PPARG: variants seen among roughly 807,000 people sequenced by gnomAD.
PPARG encodes peroxisome proliferator-activated receptor gamma.
PPARG carries 17 observed loss-of-function variants against 39.2 expected under a neutral mutation model. The ratio of observed to expected loss-of-function variants is 0.43; its 90% CI spans 0.30 to 0.65. The LOEUF (loss-of-function observed/expected upper bound fraction) is 0.65, where lower values mean the gene tolerates loss of function less well. Among genes scored for constraint, PPARG ranks in the 30% least tolerant of loss-of-function variants. The pLI is 0.13. For synonymous variants in PPARG, 223 were observed against 215.7 expected (o/e 1.03, Z -0.30); for missense variants, 406 against 585.9 (o/e 0.69, Z 3.17).
chr3:12,335,842 A>T (rs1230165857), intron 2 of PPARG, among the ~76,000 whole-genome samples: 4 of 152,182 alleles, frequency 2.6e-5, no homozygotes, highest in Non-Finnish European at 4.4e-5. Flanking sequence ...GGGGAAAAAA[A>T]AAAAAAACAA....
chr3:12,288,462 C>T (rs2046564725), upstream of PPARG, among the ~76,000 whole-genome samples: 3 of 151,844 alleles, frequency 2.0e-5, no homozygotes, highest in Admixed American at 2.0e-4. Flanking sequence ...GCCGGGGACA[C>T]GGGGACCTCC....
chr3:12,409,622 G>A (rs76636004), intron 6 of PPARG, among the ~76,000 whole-genome samples: 21,256 of 87,986 alleles, frequency 0.24, 1,653 homozygotes, highest in Admixed American at 0.35. Context: ...TATAAAAGTG[G>A]CTATGGCTGT....
At chr3:12,421,550 A>G (rs2051261706) in intron 7 of PPARG, among the ~76,000 whole-genome samples, 1 of 152,208 alleles carries the variant, frequency 6.6e-6, no homozygotes, top group Admixed American at 6.5e-5. Flanking sequence ...TTTGTGAAGA[A>G]AAAGTGTAGG....
At chr3:12,322,593 A>C (rs1355908857) in intron 2 of PPARG, among the ~76,000 whole-genome samples, 1 of 152,214 alleles carries the variant, frequency 6.6e-6, no homozygotes, top group Non-Finnish European at 1.5e-5. Flanking sequence ...AAGGATGTGG[A>C]TACATGAGAA....
chr3:12,327,903 T>G, intron 2 of PPARG: 1 of 592,914 alleles, frequency 1.7e-6, no homozygotes, highest in Non-Finnish European at 3.0e-6. Flanking sequence ...CTTTAGTATC[T>G]ACATAGCACT....
Position 12,316,461 on chromosome 3 carries a change from G to T in PPARG, c.-9+4008G>T, listed in dbSNP as rs192274912. ...CACTGGAAAGGAACGGGGAGTTAGT[G>T]TTTAATGGGGACAGTTTCAGTTTTG... On this transcript the variant is annotated intron_variant, in intron 2 of 7. Coordinates refer to ENST00000651735, the MANE Select transcript of PPARG (RefSeq NM_138711.6). Among the ~76,000 whole-genome samples, 261 of 152,232 alleles carry T rather than the reference G, an allele frequency of 1.7e-3. 2 individuals are homozygous for T. The highest frequency in any genetic ancestry group is 6.0e-3 in the African/African-American group (249 of 41,548).
At chr3:12,409,101 G>A (rs919610529) in intron 6 of PPARG, among the ~76,000 whole-genome samples, 2 of 152,172 alleles carry the variant, frequency 1.3e-5, no homozygotes, top group African/African-American at 4.8e-5. Flanking sequence ...CCAGTAACTA[G>A]GACTGTGTCT....
At chr3:12,352,949 G>T (rs1478703833) in intron 2 of PPARG, among the ~76,000 whole-genome samples, 1 of 152,154 alleles carries the variant, frequency 6.6e-6, no homozygotes, top group East Asian at 1.9e-4. Context: ...GAATGTCCTG[G>T]CTATACTGTG....
chr3:12,366,749 C>A (rs1357296944), intron 2 of PPARG, among the ~76,000 whole-genome samples: 2 of 152,158 alleles, frequency 1.3e-5, no homozygotes, highest in Non-Finnish European at 2.9e-5. Context: ...CTAAATCTCA[C>A]TTGGCCATGG....
At chr3:12,369,918 T>C (rs1356849896) in intron 2 of PPARG, among the ~76,000 whole-genome samples, 1 of 152,188 alleles carries the variant, frequency 6.6e-6, no homozygotes, top group Admixed American at 6.5e-5. Flanking sequence ...GGCATTCTGG[T>C]TTCTCAGGTG....
At chr3:12,368,186 TTTTG>T (rs1468563864) in intron 2 of PPARG, among the ~76,000 whole-genome samples, 2 of 144,116 alleles carry the variant, frequency 1.4e-5, no homozygotes, top group East Asian at 2.0e-4. Context: ...TCTTTTTCTT[TTTTG>T]TTTTTTTTTC....
chr3:12,372,233 A>G, intron 2 of PPARG: 2 of 699,504 alleles, frequency 2.9e-6, no homozygotes, highest in African/African-American at 1.8e-5. Context: ...ATTCATGAAG[A>G]TTTGTTGGAA....
chr3:12,355,091 AC>A (rs1257989091), intron 2 of PPARG, among the ~76,000 whole-genome samples: 1 of 152,198 alleles, frequency 6.6e-6, no homozygotes, highest in Admixed American at 6.5e-5. Context: ...TGTTTTTCGT[AC>A]ACTGAAGTAG....
At chr3:12,333,961 T>C (rs187410067) in intron 2 of PPARG, among the ~76,000 whole-genome samples, 408 of 152,338 alleles carry the variant, frequency 2.7e-3, no homozygotes, top group African/African-American at 8.9e-3. Flanking sequence ...CTTTGGCTTT[T>C]TTACATTTAT....
At chr3:12,398,626 C>CAGAATA (rs1174795735) in intron 5 of PPARG, among the ~76,000 whole-genome samples, 1 of 152,062 alleles carries the variant, frequency 6.6e-6, no homozygotes, top group Non-Finnish European at 1.5e-5. Context: ...GGGAGAGGCA[C>CAGAATA]CATCAGAGAG....
chr3:12,349,164 A>G (rs996546608), intron 2 of PPARG, among the ~76,000 whole-genome samples: 2 of 152,234 alleles, frequency 1.3e-5, no homozygotes, highest in Admixed American at 6.5e-5. Context: ...CATTAAGTAT[A>G]GAAACCTTGG....
upstream of PPARG, chr3:12,287,985 A>T (rs1437843132): frequency 6.6e-6 from 1 of 150,472 alleles, no homozygotes; most frequent in African/African-American, 2.4e-5. Context: ...GGCCTCGAGG[A>T]CACCGGAGAG....
chr3:12,308,862 T>A (rs1379844879), intron 1 of PPARG, among the ~76,000 whole-genome samples: 1 of 152,094 alleles, frequency 6.6e-6, no homozygotes, highest in Non-Finnish European at 1.5e-5. Flanking sequence ...TATACTTAAG[T>A]TTCAGTAGAA....
intron 7 of PPARG, among the ~76,000 whole-genome samples, chr3:12,424,814 T>A (rs1428587744): frequency 6.6e-6 from 1 of 152,194 alleles, no homozygotes; most frequent in Non-Finnish European, 1.5e-5. Context: ...TCTTCCTAGA[T>A]GTGTGCTTGC....
Sources: allele counts gnomAD v4.1 joint callset (sites outside exome capture counted in the v4.1 genomes callset), GRCh38; gene constraint gnomAD v4.1.1; transcripts MANE v1.5; gene names NCBI Gene and HGNC (gene_info 2026-07-23, HGNC 2026-07-21).